Variants in CBLB observed in about 807,000 individuals in gnomAD.
The protein encoded by CBLB is Cbl proto-oncogene B, also known as E3 ubiquitin-protein ligase CBL-B.
Under a neutral mutation model 104.9 loss-of-function variants are expected in CBLB, and 31 were observed. That is an observed-to-expected ratio of 0.30 (90% CI 0.22 to 0.40). The LOEUF (loss-of-function observed/expected upper bound fraction) is 0.40, where lower values mean the gene tolerates loss of function less well. CBLB is among the 10% of genes least tolerant of loss of function. The probability of loss-of-function intolerance (pLI) is 1.00; values close to 1 mark genes in which losing one functional copy is unlikely to be tolerated. For missense variants in CBLB, 1,062 were observed against 1,214.6 expected (o/e 0.87, Z 1.87); for synonymous variants, 440 against 422.6 (o/e 1.04, Z -0.51).
chr3:105,863,029 T>C (rs2092219061), intron 2 of CBLB, among the ~76,000 whole-genome samples: 1 of 152,292 alleles, frequency 6.6e-6, no homozygotes, highest in South Asian at 2.1e-4. Context: ...ATTTGATAAA[T>C]GAATGATGAA....
intron 4 of CBLB, among the ~76,000 whole-genome samples, chr3:105,753,024 G>A (rs976926149): frequency 6.6e-6 from 1 of 152,200 alleles, no homozygotes; most frequent in African/African-American, 2.4e-5. Context: ...AGGGACAGAA[G>A]TAAAACCTGT....
intron 8 of CBLB, 36 bp from the exon 9 acceptor site, chr3:105,734,176 T>C (rs1289621292): frequency 1.2e-6 from 2 of 1,609,506 alleles, no homozygotes; most frequent in South Asian, 1.1e-5. Context: ...GTAATGTTAA[T>C]GTATTTCCAG....
intron 13 of CBLB, among the ~76,000 whole-genome samples, chr3:105,686,894 G>C (rs1045636527): frequency 6.6e-6 from 1 of 152,058 alleles, no homozygotes; most frequent in Non-Finnish European, 1.5e-5. Context: ...CAAGCTAAGG[G>C]CCTTAATAAT....
chr3:105,866,402 A>T (rs2092429460), intron 2 of CBLB, among the ~76,000 whole-genome samples: 1 of 152,186 alleles, frequency 6.6e-6, no homozygotes, highest in Non-Finnish European at 1.5e-5. Context: ...TTACACAGAA[A>T]TTTGTTTTTA....
At chr3:105,701,519 T>C (rs971945195) in intron 12 of CBLB, among the ~76,000 whole-genome samples, 2 of 152,154 alleles carry the variant, frequency 1.3e-5, no homozygotes, top group Admixed American at 6.5e-5. Context: ...TCCCAGCACT[T>C]TGGGAGGCTG....
intron 3 of CBLB, among the ~76,000 whole-genome samples, chr3:105,830,689 A>C (rs920891194): frequency 3.3e-5 from 5 of 152,236 alleles, no homozygotes; most frequent in African/African-American, 1.2e-4. Context: ...AGCCATTATC[A>C]AGTAAGAAAG....
rs1045783840 is a variant in CBLB, at chr3:105,658,501, T to G, written c.*469A>C. The G allele has an allele frequency of 8.3e-6, 2 of 240,362 alleles. No homozygotes were observed. The highest frequency in any genetic ancestry group is 2.2e-5 in the African/African-American group (1 of 45,064). The allele number at this position is 240,362 out of a possible 1,614,324, so 14.9% of individuals were successfully genotyped here. A position where few individuals can be genotyped will look rare whatever the true frequency, so the allele number is the denominator to read the frequency against. Reference sequence around the variant, plus strand: ...GGGCAAGGCATGGGGATGGTAGAGATCCATATGAATAAATGATTTAGCTGT... The same window carrying G: ...GGGCAAGGCATGGGGATGGTAGAGAGCCATATGAATAAATGATTTAGCTGT... On this transcript the variant is annotated 3_prime_UTR_variant, in exon 19 of 19. Transcript: ENST00000394030.
intron 4 of CBLB, among the ~76,000 whole-genome samples, chr3:105,771,368 A>G (rs1307114654): frequency 6.6e-6 from 1 of 152,190 alleles, no homozygotes; most frequent in African/African-American, 2.4e-5. Context: ...AAATATGTAT[A>G]GAAGAGATTT....
intron 3 of CBLB, among the ~76,000 whole-genome samples, chr3:105,803,097 C>T (rs1407103394): frequency 2.0e-5 from 3 of 152,160 alleles, no homozygotes; most frequent in East Asian, 1.9e-4. Flanking sequence ...CATGCATAGT[C>T]ATTTTATGTA....
chr3:105,845,771 T>G (rs1039957213), intron 3 of CBLB, among the ~76,000 whole-genome samples: 3 of 152,110 alleles, frequency 2.0e-5, no homozygotes, highest in African/African-American at 7.2e-5. Context: ...GGCCTCTACT[T>G]TCATGGTGTG....
At chr3:105,791,629 T>C (rs1292159485) in intron 3 of CBLB, among the ~76,000 whole-genome samples, 1 of 152,204 alleles carries the variant, frequency 6.6e-6, no homozygotes, top group Non-Finnish European at 1.5e-5. Context: ...TCCGTTCTTT[T>C]AAAATGGACT....
intron 13 of CBLB, among the ~76,000 whole-genome samples, chr3:105,690,821 C>CAA (rs1178398593): frequency 1.4e-4 from 9 of 65,762 alleles, no homozygotes; most frequent in East Asian, 4.8e-4. Flanking sequence ...GACTCCATCT[C>CAA]AAAAAAAAAA....
intron 1 of CBLB, chr3:105,868,163 GA>G (rs1706406498): frequency 8.3e-7 from 1 of 1,211,330 alleles, no homozygotes; most frequent in Admixed American, 4.2e-5. Context: ...ACGGACACAC[GA>G]ACACCTTTCT....
At chr3:105,675,780 G>T (rs549314790) in intron 17 of CBLB, among the ~76,000 whole-genome samples, 27 of 151,714 alleles carry the variant, frequency 1.8e-4, no homozygotes, top group African/African-American at 4.1e-4. Flanking sequence ...AGCTACTTAG[G>T]GGGTAGAGGC....
chr3:105,764,828 A>G (rs540697874), intron 4 of CBLB, among the ~76,000 whole-genome samples: 1 of 152,354 alleles, frequency 6.6e-6, no homozygotes, highest in South Asian at 2.1e-4. Context: ...GAATGATAAG[A>G]AAGCAAAACA....
At chr3:105,865,000 C>A (rs1008287907) in intron 2 of CBLB, among the ~76,000 whole-genome samples, 1 of 152,102 alleles carries the variant, frequency 6.6e-6, no homozygotes, top group African/African-American at 2.4e-5. Flanking sequence ...TTTTACATAC[C>A]TACCAATTAG....
chr3:105,673,122 G>A (rs903403248), intron 17 of CBLB: 40 of 150,084 alleles, frequency 2.7e-4, no homozygotes, highest in African/African-American at 9.1e-4. Context: ...AGGCTGGAGT[G>A]GAGTGGTTCA....
At chr3:105,693,223 C>G (rs2067940610) in intron 13 of CBLB, among the ~76,000 whole-genome samples, 1 of 152,074 alleles carries the variant, frequency 6.6e-6, no homozygotes, top group African/African-American at 2.4e-5. Context: ...TTGTGCTACT[C>G]TACCCTCTTT....
chr3:105,784,296 T>A (rs2080691458), intron 3 of CBLB, among the ~76,000 whole-genome samples: 1 of 152,176 alleles, frequency 6.6e-6, no homozygotes, highest in South Asian at 2.1e-4. Context: ...ACAATGAAAG[T>A]TCTGTAAACA....
Sources: allele counts gnomAD v4.1 joint callset (sites outside exome capture counted in the v4.1 genomes callset), GRCh38; gene constraint gnomAD v4.1.1; transcripts MANE v1.5; gene names NCBI Gene and HGNC (gene_info 2026-07-23, HGNC 2026-07-21).